TXNDC15: variants seen among roughly 807,000 people sequenced by gnomAD.
The protein encoded by TXNDC15 is thioredoxin domain-containing protein 15.
In TXNDC15, 24 loss-of-function variants were observed where a neutral mutation model predicts 35.0. The ratio of observed to expected loss-of-function variants is 0.68; its 90% CI spans 0.50 to 0.96. The LOEUF is 0.96. Ranked by LOEUF, TXNDC15 falls within the 40% of genes least tolerant of loss-of-function variation. The probability of loss-of-function intolerance (pLI) is 0.00; values close to 1 mark genes in which losing one functional copy is unlikely to be tolerated. For synonymous variants in TXNDC15, 169 were observed against 174.0 expected, an observed-to-expected ratio of 0.97 and a Z score of 0.23; for missense variants, 385 against 453.3, an observed-to-expected ratio of 0.85 and a Z score of 1.37.
At chr5:134,894,876 A>G (rs564520314) in intron 3 of TXNDC15, among the ~76,000 whole-genome samples, 1 of 152,060 alleles carries the variant, frequency 6.6e-6, no homozygotes, top group Admixed American at 6.5e-5. Context: ...GTAAACTTCC[A>G]TTACTCTGTA....
chr5:134,882,079 A>T (rs1750162197), intron 1 of TXNDC15, among the ~76,000 whole-genome samples: 1 of 145,526 alleles, frequency 6.9e-6, no homozygotes, highest in African/African-American at 2.6e-5. Flanking sequence ...GGGGCTCCTC[A>T]CTTCTCAGAC....
Position 134,887,914 on chromosome 5 carries a change from A to AGCCTAG in TXNDC15, c.324_329dup (p.Pro109_Ser110insArgPro), listed in dbSNP as rs766917724. The AGCCTAG allele has an allele frequency of 1.3e-4, 213 of 1,614,230 alleles. 1 individual carries two copies. Among genetic ancestry groups the AGCCTAG allele is most frequent in the Non-Finnish European group, 1.7e-4 (200 of 1,180,044 alleles). ...GAAGCTGAGGACAAAGTGAGTTCAG[A>AGCCTAG]GCCTAGCGGCGTCACCTGTGGTGCT... On this transcript the variant is annotated inframe_insertion, in exon 2 of 5. Coordinates refer to ENST00000358387, the MANE Select transcript of TXNDC15 (RefSeq NM_024715.4).
At chr5:134,875,222 G>A (rs1304987085) in intron 1 of TXNDC15, 1 of 456,270 alleles carries the variant, frequency 2.2e-6, no homozygotes, top group Admixed American at 2.3e-5. Flanking sequence ...GGCATGGCGA[G>A]GGTGGAGAGT....
intron 1 of TXNDC15, chr5:134,875,463 C>A: frequency 2.2e-6 from 1 of 444,712 alleles, no homozygotes; most frequent in Admixed American, 2.6e-5. Flanking sequence ...GTGCTCAGTG[C>A]TTTACGAGCA....
intron 4 of TXNDC15, among the ~76,000 whole-genome samples, chr5:134,898,031 G>A (rs925523222): frequency 6.6e-6 from 1 of 150,908 alleles, no homozygotes; most frequent in Admixed American, 6.6e-5. Context: ...AAAAAAAAAA[G>A]AGAAACAGAA....
chr5:134,901,248 C>T lies in TXNDC15; in HGVS notation c.*1563C>T, dbSNP rs1008056153. 1.3e-5 allele frequency: 2 copies of T among 152,176 alleles called. No homozygotes were observed. The highest frequency in any genetic ancestry group is 4.8e-5 in the African/African-American group (2 of 41,426). The allele number at this position is 152,176 out of a possible 1,614,324, so 9.4% of individuals were successfully genotyped here. A position where few individuals can be genotyped will look rare whatever the true frequency, so the allele number is the denominator to read the frequency against. ...CACCCTAAATTCTATAGAAATAAAA[C>T]CTCAGATGAGTCTCCTTCTTAGAGT... On this transcript the variant is annotated 3_prime_UTR_variant, in exon 5 of 5. Transcript: ENST00000358387.
At chr5:134,881,737 G>A (rs2150184843) in intron 1 of TXNDC15, among the ~76,000 whole-genome samples, 1 of 148,720 alleles carries the variant, frequency 6.7e-6, no homozygotes, top group East Asian at 2.0e-4. Context: ...CCGGGCAGAG[G>A]GGCTCCTCAC....
chr5:134,877,208 A>C (rs1750050557), intron 1 of TXNDC15, among the ~76,000 whole-genome samples: 1 of 152,130 alleles, frequency 6.6e-6, no homozygotes, highest in African/African-American at 2.4e-5. Context: ...TTCCCAGCAG[A>C]GAAACAGCCC....
chr5:134,874,324 G>A (rs1370583162), upstream of TXNDC15: 3 of 950,924 alleles, frequency 3.2e-6, no homozygotes, highest in Non-Finnish European at 4.4e-6. Context: ...TTAAGATGGC[G>A]GCGCGGGGCC....
chr5:134,875,909 A>T (rs1750024945), intron 1 of TXNDC15, among the ~76,000 whole-genome samples: 1 of 151,996 alleles, frequency 6.6e-6, no homozygotes, highest in Non-Finnish European at 1.5e-5. Context: ...ACCTCAGGTG[A>T]TCCACCCACC....
chr5:134,882,700 C>T (rs1424290545), intron 1 of TXNDC15, among the ~76,000 whole-genome samples: 1 of 152,104 alleles, frequency 6.6e-6, no homozygotes. Flanking sequence ...ACCAGTCAGG[C>T]GTGGCGGCGC....
At chr5:134,874,757 C>A (rs1243520938) in intron 1 of TXNDC15, among the ~76,000 whole-genome samples, 1 of 152,240 alleles carries the variant, frequency 6.6e-6, no homozygotes, top group Non-Finnish European at 1.5e-5. Context: ...GTGGTTGGGC[C>A]GCGTTCAGGC....
At position 134,899,683 on chromosome 5, in the gene TXNDC15, T is replaced by C. The variant is rs144989483; in HGVS notation, c.1081T>C (p.Ter361GlnextTer1). The C allele has an allele frequency of 6.3e-7, 1 of 1,591,046 alleles. No homozygotes were observed. The highest frequency in any genetic ancestry group is 1.4e-5 in the African/African-American group (1 of 73,622). ...IPGQEQEHVE[*>Q] The stretch of plus-strand genomic sequence containing the variant: ...AGGACAAGAGCAGGAACATGTGGAG[T>C]AGTGATGGTCTGAAAGAAGTTGGAA... The change falls in exon 5 of 5, where the codon TAG (stop) becomes CAG (glutamine). Residue 361 changes from the stop codon to glutamine (Q), a stop_lost. Transcript: ENST00000358387.
At chr5:134,879,709 C>A (rs1420786025) in intron 1 of TXNDC15, among the ~76,000 whole-genome samples, 1 of 152,118 alleles carries the variant, frequency 6.6e-6, no homozygotes, top group African/African-American at 2.4e-5. Flanking sequence ...AAGTGCTTGA[C>A]CTTCTGCTAA....
chr5:134,899,060 GAGC>G (rs1309646301), intron 4 of TXNDC15, among the ~76,000 whole-genome samples: 4 of 151,742 alleles, frequency 2.6e-5, no homozygotes, highest in African/African-American at 9.7e-5. Context: ...CTGGGAGACA[GAGC>G]AGGACTTCAT....
At chr5:134,876,096 A>T (rs1302962689) in intron 1 of TXNDC15, among the ~76,000 whole-genome samples, 1 of 152,208 alleles carries the variant, frequency 6.6e-6, no homozygotes, top group Non-Finnish European at 1.5e-5. Context: ...CCTTGATTCA[A>T]GCCCATGTCT....
chr5:134,893,534 C>T lies in TXNDC15; in HGVS notation c.634C>T (p.Leu212=), dbSNP rs140308625. 1.2e-5 allele frequency: 19 copies of T among 1,614,092 alleles called. No homozygotes were observed. The African/African-American group carries it at 2.4e-4, about 20-fold the overall frequency. The part of the protein sequence containing the change: ...FLNPNGSDCT[L]VLFYTPWCRF... ...GAACCCAAACGGTAGTGACTGTACT[C>T]TAGTCCTGTTTTACACCCCGTGGTG... The change falls in exon 3 of 5, where the codon CTA becomes TTA. Residue 212 remains leucine, a synonymous_variant. Coordinates refer to ENST00000358387, the MANE Select transcript of TXNDC15 (RefSeq NM_024715.4).
intron 2 of TXNDC15, among the ~76,000 whole-genome samples, chr5:134,890,171 C>T (rs1383145782): frequency 6.6e-6 from 1 of 151,914 alleles, no homozygotes; most frequent in Non-Finnish European, 1.5e-5. Context: ...GCTGGGAATA[C>T]AGGCATGTGC....
At chr5:134,882,926 C>T (rs1002500211) in intron 1 of TXNDC15, among the ~76,000 whole-genome samples, 1 of 152,222 alleles carries the variant, frequency 6.6e-6, no homozygotes, top group African/African-American at 2.4e-5. Context: ...GTATTGTCTA[C>T]TTTACCATTA....
Sources: allele counts gnomAD v4.1 joint callset (sites outside exome capture counted in the v4.1 genomes callset), GRCh38; gene constraint gnomAD v4.1.1; transcripts MANE v1.5; gene names NCBI Gene and HGNC (gene_info 2026-07-23, HGNC 2026-07-21).